C8orf74: variants seen among roughly 807,000 people sequenced by gnomAD.
C8orf74 encodes the protein uncharacterized protein C8orf74.
In C8orf74, 29 loss-of-function variants were observed where a neutral mutation model predicts 22.2. The ratio of observed to expected loss-of-function variants is 1.31; its 90% CI spans 0.97 to 1.78. The LOEUF (loss-of-function observed/expected upper bound fraction) is 1.78, where lower values mean the gene tolerates loss of function less well. C8orf74 is among the 40% of genes most tolerant of loss of function. The probability of loss-of-function intolerance (pLI) is 0.00; values close to 1 mark genes in which losing one functional copy is unlikely to be tolerated. For missense variants in C8orf74, 515 were observed against 369.9 expected (o/e 1.39, Z -3.22); for synonymous variants, 255 against 163.1 (o/e 1.56, Z -4.30).
intron 3 of C8orf74, 127 bp from the exon 4 acceptor site, chr8:10,700,108 G>C (rs77129701): frequency 3.6e-6 from 2 of 561,612 alleles, no homozygotes; most frequent in Non-Finnish European, 5.9e-6. Context: ...AGGCAACCAC[G>C]GCCCGTGGGC....
intron 2 of C8orf74, chr8:10,691,100 C>A: frequency 2.7e-6 from 1 of 365,416 alleles, no homozygotes; most frequent in Non-Finnish European, 5.5e-6. Context: ...TCTCATAAGC[C>A]GGCTTCCAAC....
rs544667676 is a variant in C8orf74 at position 10,690,654 on chromosome 8, C to T, written c.242-6945C>T. ...CACACCCAGAAGGAGCAGCCTTCCC[C>T]GTTTCCAGCCCCGCAGGGGTGTGGC... On this transcript the variant is annotated intron_variant, in intron 2 of 3. Transcript: ENST00000304519. Among the ~76,000 whole-genome samples the T allele has an allele frequency of 4.1e-4, 62 of 152,256 alleles. 2 individuals carry two copies. The highest frequency in any genetic ancestry group is 3.4e-3 in the Middle Eastern group (1 of 294).
chr8:10,690,030 G>A (rs1003055539), intron 2 of C8orf74, among the ~76,000 whole-genome samples: 3 of 152,198 alleles, frequency 2.0e-5, no homozygotes, highest in African/African-American at 7.2e-5. Context: ...AGAGTCAACT[G>A]TAACAGCTAC....
intron 2 of C8orf74, chr8:10,687,238 C>T (rs538826932): frequency 1.9e-4 from 74 of 396,470 alleles, no homozygotes; most frequent in African/African-American, 1.5e-3. Flanking sequence ...CCTAATCTCA[C>T]GAGGTAGAGA....
At chr8:10,686,232 C>G (rs1799259895) in intron 2 of C8orf74, among the ~76,000 whole-genome samples, 1 of 152,164 alleles carries the variant, frequency 6.6e-6, no homozygotes, top group Non-Finnish European at 1.5e-5. Context: ...GTGTTGTACT[C>G]TCCTTGGAGT....
At chr8:10,684,307 TTTCACATGAATCA>T (rs1256871522) in intron 2 of C8orf74, among the ~76,000 whole-genome samples, 1 of 152,194 alleles carries the variant, frequency 6.6e-6, no homozygotes, top group Non-Finnish European at 1.5e-5. Context: ...GCCAAAGCTC[TTTCACATGAATCA>T]TTCTAGCTCC....
chr8:10,676,950 A>C (rs547199392), intron 2 of C8orf74, among the ~76,000 whole-genome samples: 1 of 152,346 alleles, frequency 6.6e-6, no homozygotes, highest in Admixed American at 6.5e-5. Flanking sequence ...CTTGGAAAAC[A>C]GTCGATGATG....
At chr8:10,680,864 G>C (rs185913723) in intron 2 of C8orf74, among the ~76,000 whole-genome samples, 1 of 152,134 alleles carries the variant, frequency 6.6e-6, no homozygotes, top group African/African-American at 2.4e-5. Context: ...CACCCTGTCC[G>C]CCTCCTGGCA....
intron 2 of C8orf74, among the ~76,000 whole-genome samples, chr8:10,681,819 A>G (rs143563907): frequency 1.3e-5 from 2 of 152,140 alleles, no homozygotes; most frequent in Non-Finnish European, 2.9e-5. Context: ...CGGTCAGTGG[A>G]GGCACAGGGC....
intron 3 of C8orf74, among the ~76,000 whole-genome samples, chr8:10,698,457 G>C (rs1215476110): frequency 6.6e-6 from 1 of 152,144 alleles, no homozygotes; most frequent in Non-Finnish European, 1.5e-5. Context: ...AGCTTGGGGA[G>C]GGTCATGTGA....
intron 2 of C8orf74, among the ~76,000 whole-genome samples, chr8:10,683,666 A>G (rs1466164925): frequency 1.3e-5 from 2 of 152,154 alleles, no homozygotes; most frequent in Non-Finnish European, 2.9e-5. Flanking sequence ...GGCTACAGGG[A>G]CCGTCAGCTC....
chr8:10,677,676 C>A (rs1172240858), intron 2 of C8orf74, among the ~76,000 whole-genome samples: 4 of 152,032 alleles, frequency 2.6e-5, no homozygotes, highest in Non-Finnish European at 4.4e-5. Flanking sequence ...ATCCAGGTAG[C>A]CTTGTGTTTG....
chr8:10,674,622 CA>C lies in C8orf74; in HGVS notation c.49-23del, dbSNP rs752543687. ...CCTGCAACCCCCACATCATACCCTG[CA>C]GTTCCCATGTCATTCCCTGCAGAGA... On this transcript the variant is annotated intron_variant, in intron 1 of 3. Transcript: ENST00000304519. The C allele has an allele frequency of 3.2e-6, 5 of 1,583,468 alleles. No individual in the cohort carries two copies. The East Asian group carries it at 1.1e-4, about 36-fold the overall frequency.
chr8:10,696,550 C>T (rs1799506056), intron 2 of C8orf74, among the ~76,000 whole-genome samples: 2 of 149,194 alleles, frequency 1.3e-5, no homozygotes, highest in African/African-American at 5.0e-5. Flanking sequence ...TGGGTTCAAG[C>T]AATTCTCCTG....
intron 3 of C8orf74, among the ~76,000 whole-genome samples, chr8:10,698,539 T>C (rs1799581045): frequency 1.3e-5 from 2 of 152,058 alleles, no homozygotes; most frequent in African/African-American, 4.8e-5. Context: ...TCTCAGACTT[T>C]GGGCTGCCCT....
At position 10,672,639 on chromosome 8, in the gene C8orf74, G is replaced by A. The variant is rs568124719; in HGVS notation, c.-27G>A. On this transcript the variant is annotated 5_prime_UTR_variant, in exon 1 of 4. Transcript: ENST00000304519. Reference sequence around the variant, plus strand: ...GGAAACTCTGAGTCAGTCTGGCTCCGTCTCCTGGCAACCAGATGCAGGGGC... The same window carrying A: ...GGAAACTCTGAGTCAGTCTGGCTCCATCTCCTGGCAACCAGATGCAGGGGC... 95 of 1,557,978 alleles carry A rather than the reference G, an allele frequency of 6.1e-5. No individual in the cohort carries two copies. The highest frequency in any genetic ancestry group is 7.2e-5 in the Non-Finnish European group (83 of 1,150,422).
intron 2 of C8orf74, among the ~76,000 whole-genome samples, chr8:10,695,419 G>C (rs1799470477): frequency 6.6e-6 from 1 of 152,132 alleles, no homozygotes; most frequent in African/African-American, 2.4e-5. Context: ...CTGTGATTCT[G>C]CATGATGGAG....
chr8:10,678,888 G>A (rs904353427), intron 2 of C8orf74, among the ~76,000 whole-genome samples: 17 of 152,188 alleles, frequency 1.1e-4, no homozygotes, highest in Non-Finnish European at 1.8e-4. Flanking sequence ...CCCAGGTGGC[G>A]TCCTAGTCAG....
chr8:10,674,600 G>A (rs1798988835), intron 1 of C8orf74, 46 bp from the exon 2 acceptor site: 2 of 1,485,988 alleles, frequency 1.3e-6, no homozygotes, highest in African/African-American at 3.0e-5. Context: ...ATCATGCCCT[G>A]CAACCCCCAC....
Sources: allele counts gnomAD v4.1 joint callset (sites outside exome capture counted in the v4.1 genomes callset), GRCh38; gene constraint gnomAD v4.1.1; transcripts MANE v1.5; gene names NCBI Gene and HGNC (gene_info 2026-07-23, HGNC 2026-07-21).